The following PKNOX1 variants were observed in gnomAD, a reference collection of about 807,000 sequenced individuals.
PKNOX1 encodes homeobox protein PKNOX1.
In PKNOX1, 15 loss-of-function variants were observed where a neutral mutation model predicts 51.9. That is an observed-to-expected ratio of 0.29 (90% CI 0.19 to 0.45). The LOEUF (loss-of-function observed/expected upper bound fraction) is 0.45. PKNOX1 is among the 20% of genes least tolerant of loss of function. PKNOX1 has a pLI of 1.00. For synonymous variants in PKNOX1, 219 were observed against 211.1 expected (o/e 1.04, Z -0.32); for missense variants, 462 against 547.5 (o/e 0.84, Z 1.56).
At chr21:43,009,940 G>A (rs528191663) in intron 3 of PKNOX1, 113 bp from the exon 4 acceptor site, 22 of 557,060 alleles carry the variant, frequency 3.9e-5, no homozygotes, top group South Asian at 2.9e-4. Flanking sequence ...ACCGTGTGGC[G>A]TGTGCATTTT....
intron 1 of PKNOX1, among the ~76,000 whole-genome samples, chr21:42,993,659 GTTTTTT>G (rs1396808385): frequency 8.0e-5 from 1 of 12,574 alleles, no homozygotes; most frequent in Non-Finnish European, 1.6e-4. Context: ...TGTTTTTTTT[GTTTTTT>G]TTTTTTTTTG....
Position 43,010,041 on chromosome 21 carries a change from T to C in PKNOX1, c.180-12T>C. 6.6e-7 allele frequency: 1 copy of C among 1,522,854 alleles called. No individual in the cohort carries two copies. 94.3% of individuals were successfully genotyped at this position (1,522,854 alleles called of 1,614,324 possible). On this transcript the variant is annotated splice_polypyrimidine_tract_variant and intron_variant, in intron 3 of 10. Transcript: ENST00000291547. The stretch of plus-strand genomic sequence containing the variant: ...GAACGTAAATGGATTCTTTTTTTTC[T>C]TTTCTCCTCAGGCATCCACTATTTC...
chr21:42,992,559 G>T (rs979437476), intron 1 of PKNOX1, among the ~76,000 whole-genome samples: 1 of 152,190 alleles, frequency 6.6e-6, no homozygotes, highest in African/African-American at 2.4e-5. Context: ...CAGCTGGGAC[G>T]ACTCAGCGGC....
intron 1 of PKNOX1, among the ~76,000 whole-genome samples, chr21:42,999,600 C>A (rs1978658007): frequency 6.6e-6 from 1 of 152,094 alleles, no homozygotes; most frequent in Non-Finnish European, 1.5e-5. Flanking sequence ...CCCGCCTCAG[C>A]CTCCTGAGTA....
chr21:43,019,657 C>T (rs1350045704), intron 7 of PKNOX1, among the ~76,000 whole-genome samples: 2 of 151,702 alleles, frequency 1.3e-5, no homozygotes, highest in South Asian at 2.1e-4. Flanking sequence ...ATTCTCCTGC[C>T]TCAGCCTCCC....
intron 1 of PKNOX1, among the ~76,000 whole-genome samples, chr21:42,981,626 C>A (rs1169863660): frequency 6.6e-6 from 1 of 152,246 alleles, no homozygotes; most frequent in Non-Finnish European, 1.5e-5. Flanking sequence ...GTGGCACGAT[C>A]TCGGCCCACT....
In PKNOX1 at chr21:43,010,182, A is replaced by C. The variant is rs376583194; in HGVS notation, c.309A>C (p.Glu103Asp). The C allele has an allele frequency of 1.9e-6, 3 of 1,595,698 alleles. No homozygotes were observed. Among genetic ancestry groups the C allele is most frequent in the Non-Finnish European group, 2.6e-6 (3 of 1,169,860 alleles). Reference protein sequence around the residue: ...IENFVRKQEKEGKPFFCEDPE... With the variant: ...IENFVRKQEKDGKPFFCEDPE... ...ATTTTGTAAGAAAGCAAGAGAAGGAAGGGAAACCTTTCTTTTGTGAAGATC... is the reference window on the plus strand; with the variant it reads ...ATTTTGTAAGAAAGCAAGAGAAGGACGGGAAACCTTTCTTTTGTGAAGATC... Residue 103 changes from glutamate to aspartate, a missense_variant, in exon 4 of 11, where the codon GAA becomes GAC. Around this residue, in one of 5 missense-constraint regions of PKNOX1, gnomAD observed 129 missense variants for 133.4 expected, o/e 0.97. Transcript: ENST00000291547.
In PKNOX1 at chr21:42,985,729, T is replaced by C. The variant is rs375795362; in HGVS notation, c.-57+11065T>C. ...AAAACAAATTGCAGGCCGGGCGTGG[T>C]GGCTCACACCTGTAATCCTAGCACT... On this transcript the variant is annotated intron_variant, in intron 1 of 10. Transcript: ENST00000291547. Among the ~76,000 whole-genome samples the C allele has an allele frequency of 5.3e-5, 8 of 150,694 alleles. No individual in the cohort carries two copies. In the South Asian group the frequency reaches 6.6e-4, roughly 12 times the overall value.
In PKNOX1 at chr21:43,021,257, G is replaced by C. The variant is rs769858834; in HGVS notation, c.721-46G>C. On this transcript the variant is annotated intron_variant, in intron 7 of 10. Transcript: ENST00000291547. The surrounding 1 kb of genome is among the most constrained non-coding windows in gnomAD (Gnocchi z 4.6). ...CCTGCAGTTGTAAGTACTTGGATAT[G>C]TGAGAATTTCCTATGCTTTCTAATG... The C allele has an allele frequency of 3.3e-6, 5 of 1,516,206 alleles. No homozygotes were observed. The Admixed American group carries it at 7.5e-5, about 23-fold the overall frequency. The allele number at this position is 1,516,206 out of a possible 1,614,324, so 93.9% of individuals were successfully genotyped here.
At position 43,013,124 on chromosome 21, in the gene PKNOX1, C is replaced by T. The variant is rs778202685; in HGVS notation, c.408C>T (p.Asn136=). The T allele has an allele frequency of 1.7e-5, 28 of 1,613,470 alleles. No homozygotes were observed. The Admixed American group carries it at 1.8e-4, about 11-fold the overall frequency. ...ATCTTCTTGAGCTGGAAAAGGTTAA[C>T]GAACTCTGCAAAGATTTCTGCAGTC... The part of the protein sequence containing the change: ...RIHLLELEKV[N]ELCKDFCSRY... Residue 136 remains asparagine (N), a synonymous_variant, in exon 5 of 11, where the codon AAC becomes AAT. Coordinates refer to ENST00000291547, the MANE Select transcript of PKNOX1 (RefSeq NM_004571.5).
chr21:42,986,958 C>G (rs34209438), intron 1 of PKNOX1, among the ~76,000 whole-genome samples: 2 of 152,064 alleles, frequency 1.3e-5, no homozygotes, highest in Non-Finnish European at 2.9e-5. Flanking sequence ...CTCTGCTAGG[C>G]GCGGCACCTG....
chr21:43,020,983 G>A (rs571715483), intron 7 of PKNOX1, among the ~76,000 whole-genome samples: 1 of 152,286 alleles, frequency 6.6e-6, no homozygotes, highest in African/African-American at 2.4e-5. Context: ...GTGATGCGTG[G>A]CTGTGGTCCC....
chr21:43,013,029 C>T, intron 4 of PKNOX1, 39 bp from the exon 5 acceptor site: 1 of 1,513,608 alleles, frequency 6.6e-7, no homozygotes, highest in African/African-American at 1.4e-5. Flanking sequence ...ACAATAATGC[C>T]ACCTTTTTCT....
rs918500032 is a variant in PKNOX1 at position 43,004,208 on chromosome 21, G to A, written c.-56-118G>A. 9.8e-6 allele frequency: 5 copies of A among 512,582 alleles called. No homozygotes were observed. The African/African-American group carries it at 9.8e-5, about 10-fold the overall frequency. The allele number at this position is 512,582 out of a possible 1,614,324, so 31.8% of individuals were successfully genotyped here. Reference sequence around the variant, plus strand: ...GCCGAGATCGCGCCATTGCACTCCAGCCTGGGCAACAAGAGTGAAACTCGG... The same window carrying A: ...GCCGAGATCGCGCCATTGCACTCCAACCTGGGCAACAAGAGTGAAACTCGG... On this transcript the variant is annotated intron_variant, in intron 1 of 10. Transcript: ENST00000291547.
chr21:42,998,239 T>C (rs763553133), intron 1 of PKNOX1, among the ~76,000 whole-genome samples: 1 of 152,138 alleles, frequency 6.6e-6, no homozygotes, highest in Non-Finnish European at 1.5e-5. Flanking sequence ...GCTCCTCTTT[T>C]TAAAACCATC....
intron 1 of PKNOX1, among the ~76,000 whole-genome samples, chr21:42,998,490 C>T (rs1191579739): frequency 6.6e-6 from 1 of 152,174 alleles, no homozygotes; most frequent in African/African-American, 2.4e-5. Context: ...TCAGCATTAA[C>T]TTAAAAGTCC....
chr21:42,987,404 A>AAATAT, intron 1 of PKNOX1, among the ~76,000 whole-genome samples: 5 of 41,418 alleles, frequency 1.2e-4, no homozygotes, highest in African/African-American at 3.7e-4. Flanking sequence ...AAAAAAAAAA[A>AAATAT]ATATATATAT....
At chr21:42,994,314 T>G in intron 1 of PKNOX1, among the ~76,000 whole-genome samples, 1 of 148,352 alleles carries the variant, frequency 6.7e-6, no homozygotes, top group African/African-American at 2.5e-5. Context: ...AGTGCTGGGA[T>G]TACAGGCGTG....
intron 1 of PKNOX1, among the ~76,000 whole-genome samples, chr21:42,993,485 C>G (rs1978333651): frequency 6.6e-6 from 1 of 151,628 alleles, no homozygotes; most frequent in Admixed American, 6.6e-5. Flanking sequence ...TGGTTGTGTC[C>G]AAAGAGATTT....
Sources: gnomAD v4.1 joint callset for allele counts (sites outside exome capture counted in the v4.1 genomes callset) on GRCh38, gnomAD v4.1.1 for gene constraint, gnomAD v4.1.1 regional missense constraint, Gnocchi (gnomAD v3.1) non-coding constraint, MANE v1.5 for transcripts, NCBI Gene and HGNC (gene_info 2026-07-23, HGNC 2026-07-21) for gene names.